ELK3: variants seen among roughly 807,000 people sequenced by gnomAD.
ELK3 encodes ETS domain-containing protein Elk-3.
Under a neutral mutation model 28.9 loss-of-function variants are expected in ELK3, and 10 were observed. The observed-to-expected ratio is 0.35, with a 90% CI of 0.21 to 0.59. The LOEUF (loss-of-function observed/expected upper bound fraction) is 0.59, where lower values mean the gene tolerates loss of function less well. Ranked by LOEUF, ELK3 falls within the 20% of genes least tolerant of loss-of-function variation. The probability of loss-of-function intolerance (pLI) is 0.82; values close to 1 mark genes in which losing one functional copy is unlikely to be tolerated. For missense variants in ELK3, 463 were observed against 517.3 expected (o/e 0.90, Z 1.02); for synonymous variants, 272 against 243.5 (o/e 1.12, Z -1.09).
intron 1 of ELK3, among the ~76,000 whole-genome samples, chr12:96,206,013 C>G (rs1003210322): frequency 7.2e-5 from 11 of 152,192 alleles, no homozygotes; most frequent in African/African-American, 2.7e-4. Flanking sequence ...CATCTTGAAT[C>G]AGATGACCCA....
intron 1 of ELK3, among the ~76,000 whole-genome samples, chr12:96,218,460 C>G (rs1951636545): frequency 6.6e-6 from 1 of 151,850 alleles, no homozygotes; most frequent in African/African-American, 2.4e-5. Flanking sequence ...CTGGGGACTC[C>G]AAAAGTGGGG....
At chr12:96,241,756 G>GC (rs1951823055) in intron 2 of ELK3, among the ~76,000 whole-genome samples, 1 of 152,160 alleles carries the variant, frequency 6.6e-6, no homozygotes, top group South Asian at 2.1e-4. Flanking sequence ...GGCTACTACT[G>GC]CATTCTCAAA....
chr12:96,232,943 C>T (rs1054939207), intron 2 of ELK3, among the ~76,000 whole-genome samples: 6 of 152,040 alleles, frequency 3.9e-5, no homozygotes, highest in Admixed American at 2.0e-4. Context: ...ACTCCAGCCT[C>T]GGCAACAGAG....
intron 2 of ELK3, 135 bp from the exon 3 acceptor site, chr12:96,246,805 T>C (rs998331883): frequency 3.2e-5 from 28 of 867,842 alleles, no homozygotes; most frequent in Middle Eastern, 4.6e-4. Context: ...CATTCCTCCT[T>C]CCACTTTTCC....
intron 2 of ELK3, among the ~76,000 whole-genome samples, chr12:96,228,230 C>T (rs1951717683): frequency 6.6e-6 from 1 of 151,004 alleles, no homozygotes; most frequent in South Asian, 2.1e-4. Flanking sequence ...CCAGCCTGGC[C>T]AACATGGTGA....
At chr12:96,218,224 G>T (rs917764090) in intron 1 of ELK3, among the ~76,000 whole-genome samples, 1 of 152,132 alleles carries the variant, frequency 6.6e-6, no homozygotes, top group Non-Finnish European at 1.5e-5. Flanking sequence ...GCCAGAGACG[G>T]GAAGGCCCTG....
chr12:96,198,009 A>G (rs1951483653), intron 1 of ELK3: 1 of 152,204 alleles, frequency 6.6e-6, no homozygotes, highest in Non-Finnish European at 1.5e-5. Context: ...TTATATTTAT[A>G]TATCTATCTG....
intron 1 of ELK3, among the ~76,000 whole-genome samples, chr12:96,218,735 A>G (rs1592675111): frequency 7.0e-6 from 1 of 143,422 alleles, no homozygotes; most frequent in South Asian, 2.2e-4. Flanking sequence ...TGCAAGCTCC[A>G]CCTCCTGGGT....
chr12:96,262,578 T>C (rs2137044731), intron 4 of ELK3, among the ~76,000 whole-genome samples: 1 of 152,272 alleles, frequency 6.6e-6, no homozygotes, highest in Admixed American at 6.5e-5. Flanking sequence ...TGGGCTCTCT[T>C]TTTGTGGCTG....
intron 1 of ELK3, among the ~76,000 whole-genome samples, chr12:96,195,202 G>A (rs573183006): frequency 2.5e-4 from 38 of 152,240 alleles, no homozygotes; most frequent in African/African-American, 7.9e-4. Flanking sequence ...AGTGGGCAAA[G>A]TGCACTGGTG....
chr12:96,197,792 T>A (rs778155736), intron 1 of ELK3, among the ~76,000 whole-genome samples: 1 of 152,226 alleles, frequency 6.6e-6, no homozygotes, highest in Non-Finnish European at 1.5e-5. Context: ...CTTTTTCTTA[T>A]ATAAAAAATT....
At position 96,250,885 on chromosome 12, in the gene ELK3, T is replaced by C. The variant is rs137927184; in HGVS notation, c.1002+3151T>C. Among the ~76,000 whole-genome samples, 778 of 152,262 alleles carry C rather than the reference T, an allele frequency of 5.1e-3. 5 individuals carry two copies. Among genetic ancestry groups the C allele is most frequent in the Middle Eastern group, 0.01 (3 of 294 alleles). On this transcript the variant is annotated intron_variant, in intron 3 of 4. Coordinates refer to ENST00000228741, the MANE Select transcript of ELK3 (RefSeq NM_005230.4). Reference sequence around the variant, plus strand: ...GTACAAATTCCGAAGGTTGGTTATTTCCAGCTAGAATCATGGCAGGAAGAA... The same window carrying C: ...GTACAAATTCCGAAGGTTGGTTATTCCCAGCTAGAATCATGGCAGGAAGAA...
At chr12:96,209,370 A>G (rs1245217756) in intron 1 of ELK3, among the ~76,000 whole-genome samples, 3 of 152,156 alleles carry the variant, frequency 2.0e-5, no homozygotes. Context: ...CCTGATTTAG[A>G]AAGATTTTAC....
In ELK3 at chr12:96,264,965, G is replaced by A. The variant is rs758298747; in HGVS notation, c.1126-2117G>A. Reference sequence around the variant, plus strand: ...CTAGTTTATTCAAGATAACACACTCGTAAGTGGTGGAGCCCTGACTCAAGT... The same window carrying A: ...CTAGTTTATTCAAGATAACACACTCATAAGTGGTGGAGCCCTGACTCAAGT... On this transcript the variant is annotated intron_variant, in intron 4 of 4. Transcript: ENST00000228741. 4.6e-5 allele frequency among the ~76,000 whole-genome samples: 7 copies of A among 152,148 alleles called. 1 individual carries two copies. The highest frequency in any genetic ancestry group is 1.3e-4 in the Admixed American group (2 of 15,272).
Position 96,247,364 on chromosome 12 carries a change from C to A in ELK3, c.632C>A (p.Ser211Tyr). The change falls in exon 3 of 5, where the codon TCC becomes TAC. Residue 211 changes from serine (S) to tyrosine (Y), a missense_variant. Around this residue, in one of 2 missense-constraint regions of ELK3, gnomAD observed 408 missense variants for 414.8 expected, o/e 0.98. Coordinates refer to ENST00000228741, the MANE Select transcript of ELK3 (RefSeq NM_005230.4). This position sits in a 1 kb window ranked among gnomAD's most constrained non-coding sequence, Gnocchi z 5.5. ...TCCACGTCAGAGGCTGCGGCGGCGT[C>A]CGCCTTCCTGGCCTCGTCCGTCTCG... ...LPSTSEAAAA[S>Y]AFLASSVSAK... is the part of the protein sequence containing the mutation. 1 of 1,614,216 alleles carries A rather than the reference C, an allele frequency of 6.2e-7. No individual in the cohort carries two copies. The highest frequency in any genetic ancestry group is 1.1e-5 in the South Asian group (1 of 91,084).
chr12:96,224,042 T>G, intron 2 of ELK3: 1 of 432,212 alleles, frequency 2.3e-6, no homozygotes. Context: ...ACAAATGAGA[T>G]GCAGGCAGGC....
chr12:96,250,196 C>T (rs886299109), intron 3 of ELK3, among the ~76,000 whole-genome samples: 1 of 152,252 alleles, frequency 6.6e-6, no homozygotes, highest in African/African-American at 2.4e-5. Flanking sequence ...GGTAGAGCCT[C>T]GGGACTCAGA....
In ELK3 at chr12:96,250,941, T is replaced by C. The variant is rs142417621; in HGVS notation, c.1002+3207T>C. 4.8e-3 allele frequency among the ~76,000 whole-genome samples: 731 copies of C among 152,322 alleles called. 7 individuals are homozygous for C. Among genetic ancestry groups the C allele is most frequent in the African/African-American group, 0.016 (676 of 41,566 alleles). On this transcript the variant is annotated intron_variant, in intron 3 of 4. Transcript: ENST00000228741. ...GAAGTAAGGGAGCCTTGGCATGGCC[T>C]GTGTCACGTGGTTACCTTATCACAC...
In ELK3 at chr12:96,226,440, G is replaced by GCACA. The variant is rs148595418; in HGVS notation, c.207+2678_207+2681dup. On this transcript the variant is annotated intron_variant, in intron 2 of 4. Transcript: ENST00000228741. ...CTTCTACAGATATACCTGTCCACAT[G>GCACA]CACACACACACACAAGTATACACAT... 2.0e-5 allele frequency among the ~76,000 whole-genome samples: 3 copies of GCACA among 151,840 alleles called. No individual in the cohort carries two copies. In the East Asian group the frequency reaches 5.8e-4, roughly 29 times the overall value.
Sources: gnomAD v4.1 joint callset for allele counts (sites outside exome capture counted in the v4.1 genomes callset) on GRCh38, gnomAD v4.1.1 for gene constraint, gnomAD v4.1.1 regional missense constraint, Gnocchi (gnomAD v3.1) non-coding constraint, MANE v1.5 for transcripts, NCBI Gene and HGNC (gene_info 2026-07-23, HGNC 2026-07-21) for gene names.